Variants in LAMC3 observed in about 807,000 individuals in gnomAD.
The protein encoded by LAMC3 is laminin subunit gamma 3.
Under a neutral mutation model 173.8 loss-of-function variants are expected in LAMC3, and 128 were observed. That is an observed-to-expected ratio of 0.74 (90% confidence interval 0.64 to 0.85). LAMC3 has a LOEUF of 0.85. Among genes scored for constraint, LAMC3 ranks in the 40% least tolerant of loss-of-function variants. LAMC3 has a pLI of 0.00. For missense variants in LAMC3, 2,022 were observed against 2,156.0 expected (o/e 0.94, Z 1.23); for synonymous variants, 897 against 909.1 (o/e 0.99, Z 0.24).
chr9:131,064,650 C>G (rs1484587339), intron 13 of LAMC3, among the ~76,000 whole-genome samples: 3 of 134,612 alleles, frequency 2.2e-5, no homozygotes, highest in East Asian at 2.2e-4. Context: ...GGTGAAAGAG[C>G]GAGACTCCGT....
At chr9:131,027,773 G>A (rs767230302) in intron 2 of LAMC3, among the ~76,000 whole-genome samples, 13 of 152,206 alleles carry the variant, frequency 8.5e-5, no homozygotes, top group Non-Finnish European at 1.2e-4. Flanking sequence ...ACCCACACTC[G>A]GGAGATACGC....
chr9:131,070,501 A>C (rs1830020984), intron 17 of LAMC3, among the ~76,000 whole-genome samples: 1 of 152,124 alleles, frequency 6.6e-6, no homozygotes, highest in Non-Finnish European at 1.5e-5. Flanking sequence ...TCGTGAGGTC[A>C]GGAGTTTGAG....
At chr9:131,012,346 T>C (rs869351) in intron 1 of LAMC3, among the ~76,000 whole-genome samples, 31,119 of 152,176 alleles carry the variant, frequency 0.2, 5,607 homozygotes, top group African/African-American at 0.49. Context: ...TCAGTTTCCT[T>C]ACCTGTACCG....
intron 24 of LAMC3, among the ~76,000 whole-genome samples, chr9:131,082,978 C>T (rs1830266947): frequency 6.6e-6 from 1 of 152,262 alleles, no homozygotes; most frequent in Admixed American, 6.5e-5. Flanking sequence ...CCCCAGCTTC[C>T]TGGCGGCTTG....
chr9:131,045,595 A>G lies in LAMC3; in HGVS notation c.1454A>G (p.His485Arg), dbSNP rs1201318503. ...TGCAGCAGCTGTTTCTGCTATGGCC[A>G]CTCCAAGGTGTGCGCGTCCACTGCC... is the stretch of plus-strand genomic sequence containing the variant. ...AGCSSCFCYG[H>R]SKVCASTAQF... is the part of the protein sequence containing the mutation. The change falls in exon 8 of 28, where the codon CAC (histidine) becomes CGC (arginine). Residue 485 changes from histidine to arginine, a missense_variant. Transcript: ENST00000361069. 3.7e-6 allele frequency: 6 copies of G among 1,613,700 alleles called. No homozygotes were observed. Among genetic ancestry groups the G allele is most frequent in the East Asian group, 2.2e-5 (1 of 44,874 alleles).
rs776722072 is a variant in LAMC3, at chr9:131,026,460, G to A, written c.549G>A (p.Glu183=). The A allele has an allele frequency of 6.2e-7, 1 of 1,613,594 alleles. No homozygotes were observed. Among genetic ancestry groups the A allele is most frequent in the Non-Finnish European group, 8.5e-7 (1 of 1,179,894 alleles). Residue 183 remains glutamate (E), a synonymous_variant, in exon 2 of 28, where the codon GAG becomes GAA. Coordinates refer to ENST00000361069, the MANE Select transcript of LAMC3 (RefSeq NM_006059.4). This position sits in a 1 kb window ranked among gnomAD's most constrained non-coding sequence, Gnocchi z 4.8. ...RPEGQYLRPG[E]DERVAFCTSE... ...AGGGCCAGTACCTGCGCCCCGGCGA[G>A]GACGAGCGCGTGGCCTTCTGCACCT...
At chr9:131,058,665 G>A (rs1168261483) in intron 12 of LAMC3, among the ~76,000 whole-genome samples, 3 of 150,404 alleles carry the variant, frequency 2.0e-5, no homozygotes, top group African/African-American at 7.3e-5. Flanking sequence ...AGGCTGAGGT[G>A]GGCGGATCAC....
Position 131,077,277 on chromosome 9 carries a change from G to A in LAMC3, c.3720G>A (p.Gln1240=). ...PEAESVLATV[Q]QVGADTAPYL... ...CGGAAAGCGTGTTGGCCACCGTGCA[G>A]CAAGTTGGCGCAGATACAGCCCCGT... Residue 1240 remains glutamine (Q), a synonymous_variant, in exon 22 of 28, where the codon CAG becomes CAA. Coordinates refer to ENST00000361069, the MANE Select transcript of LAMC3 (RefSeq NM_006059.4). 1 of 1,614,072 alleles carries A rather than the reference G, an allele frequency of 6.2e-7. No homozygotes were observed. Among genetic ancestry groups the A allele is most frequent in the Non-Finnish European group, 8.5e-7 (1 of 1,180,038 alleles).
chr9:131,050,115 A>T (rs1322308817), intron 9 of LAMC3, among the ~76,000 whole-genome samples: 2 of 151,962 alleles, frequency 1.3e-5, no homozygotes, highest in Non-Finnish European at 2.9e-5. Context: ...TGAGCAAAAA[A>T]CTCACTCTGT....
intron 20 of LAMC3, among the ~76,000 whole-genome samples, chr9:131,074,715 A>T (rs1830093531): frequency 6.8e-6 from 1 of 146,948 alleles, no homozygotes. Flanking sequence ...AAAAAAAAAA[A>T]AGACGCAGCT....
At chr9:131,088,075 C>G (rs1830361939) in intron 27 of LAMC3, among the ~76,000 whole-genome samples, 1 of 152,174 alleles carries the variant, frequency 6.6e-6, no homozygotes, top group Admixed American at 6.5e-5. Context: ...TTCTTTGGGG[C>G]AGGGCAGGGG....
At position 131,077,394 on chromosome 9, in the gene LAMC3, A is replaced by G; in HGVS notation, c.3777+60A>G. 5 of 1,599,912 alleles carry G rather than the reference A, an allele frequency of 3.1e-6. No individual in the cohort carries two copies. The Admixed American group carries it at 8.4e-5, about 27-fold the overall frequency. The stretch of plus-strand genomic sequence containing the variant: ...CGGGAGGATCTATTATAGAAGCTGG[A>G]GGCTGGGCACGGTGGCTCACGCCTG... On this transcript the variant is annotated intron_variant, in intron 22 of 27. Transcript: ENST00000361069.
In LAMC3 at chr9:131,032,817, C is replaced by T. The variant is rs557827347; in HGVS notation, c.809+642C>T. The stretch of plus-strand genomic sequence containing the variant: ...CCAAGTAGCTGGGATTACAGGCATG[C>T]GCCACCACGCCCGGCTAATTTTGTA... On this transcript the variant is annotated intron_variant, in intron 3 of 27. Coordinates refer to ENST00000361069, the MANE Select transcript of LAMC3 (RefSeq NM_006059.4). Among the ~76,000 whole-genome samples, 5 of 152,122 alleles carry T rather than the reference C, an allele frequency of 3.3e-5. No individual in the cohort carries two copies. The East Asian group carries it at 5.8e-4, about 18-fold the overall frequency.
chr9:131,039,794 G>A (rs1216662464), intron 6 of LAMC3, among the ~76,000 whole-genome samples: 4 of 151,916 alleles, frequency 2.6e-5, no homozygotes, highest in Non-Finnish European at 4.4e-5. Flanking sequence ...TGGGCCTCTG[G>A]ATAGCAGGGC....
At chr9:131,054,508 C>A (rs1419566644) in intron 11 of LAMC3, among the ~76,000 whole-genome samples, 5 of 152,086 alleles carry the variant, frequency 3.3e-5, no homozygotes, top group Admixed American at 3.3e-4. Flanking sequence ...AATCCCAGCT[C>A]TTTGGGAGGC....
At chr9:131,041,884 C>G in intron 7 of LAMC3, 149 bp downstream of exon 7, 1 of 715,122 alleles carries the variant, frequency 1.4e-6, no homozygotes, top group Non-Finnish European at 2.5e-6. Flanking sequence ...TCCTGGGGCA[C>G]CATGTATCTG....
chr9:131,069,277 C>T (rs542914123), intron 16 of LAMC3, among the ~76,000 whole-genome samples: 48 of 152,272 alleles, frequency 3.2e-4, no homozygotes, highest in Admixed American at 8.5e-4. Context: ...TTGTGACCCT[C>T]GCCCAAGTCT....
rs1013773074 is a variant in LAMC3, at chr9:131,051,091, T to C, written c.1631-1400T>C. ...CTGGGGCAGAGGGACACAGGGACTT[T>C]CAGTGTTTCGGGAGCTGTCCACCAA... is the stretch of plus-strand genomic sequence containing the variant. On this transcript the variant is annotated intron_variant, in intron 9 of 27. Coordinates refer to ENST00000361069, the MANE Select transcript of LAMC3 (RefSeq NM_006059.4). 1.3e-4 allele frequency among the ~76,000 whole-genome samples: 20 copies of C among 152,304 alleles called. No individual in the cohort carries two copies. In the East Asian group the frequency reaches 1.9e-3, roughly 15 times the overall value.
At position 131,056,338 on chromosome 9, in the gene LAMC3, G is replaced by A. The variant is rs1236317626; in HGVS notation, c.1940-591G>A. Reference sequence around the variant, plus strand: ...CTCCACTAAAATTCATCTATAAAATGTTACCAGTCTGAGAGATGTGAATGG... The same window carrying A: ...CTCCACTAAAATTCATCTATAAAATATTACCAGTCTGAGAGATGTGAATGG... On this transcript the variant is annotated intron_variant, in intron 11 of 27. Transcript: ENST00000361069. 3.3e-5 allele frequency among the ~76,000 whole-genome samples: 5 copies of A among 152,080 alleles called. No homozygotes were observed. In the East Asian group the frequency reaches 9.6e-4, roughly 29 times the overall value.
Sources: allele counts gnomAD v4.1 joint callset (sites outside exome capture counted in the v4.1 genomes callset), GRCh38; gene constraint gnomAD v4.1.1; non-coding constraint Gnocchi (gnomAD v3.1); transcripts MANE v1.5; gene names NCBI Gene and HGNC (gene_info 2026-07-23, HGNC 2026-07-21).